The following GREP1 variants were observed in gnomAD, a reference collection of about 807,000 sequenced individuals.
GREP1 encodes glycine rich extracellular protein 1.
chr16:2,997,012 G>A (rs2072428281), exon 21 of GREP1: 2 of 399,098 alleles, frequency 5.0e-6, no homozygotes, highest in African/African-American at 4.1e-5. Flanking sequence ...GTCCAGAGCG[G>A]AGGCCTTGGG....
intron 26 of GREP1, chr16:2,999,200 C>A (rs1236586963): frequency 2.5e-6 from 1 of 398,750 alleles, no homozygotes; most frequent in Non-Finnish European, 4.4e-6. Context: ...CCCATGGCAT[C>A]TGCAGTCTCT....
At chr16:2,997,513 G>A (rs1004250939) in intron 22 of GREP1, 2 of 398,400 alleles carry the variant, frequency 5.0e-6, no homozygotes. Flanking sequence ...TTTCTTGGGG[G>A]CTCCTGCAGC....
intron 33 of GREP1, 57 bp from the exon 28 acceptor site, chr16:3,001,224 G>A: frequency 2.5e-6 from 1 of 399,198 alleles, no homozygotes; most frequent in Non-Finnish European, 4.4e-6. Context: ...TGAAGCTGGG[G>A]TGGACGGAAG....
intron 31 of GREP1, chr16:3,000,505 G>T: frequency 2.5e-6 from 1 of 399,240 alleles, no homozygotes; most frequent in Non-Finnish European, 4.4e-6. Flanking sequence ...GTGGAGTGGG[G>T]GAGACAACAG....
At chr16:2,995,114 TG>T (rs2072417914) in intron 13 of GREP1, among the ~76,000 whole-genome samples, 152 bp downstream of exon 14, 1 of 152,158 alleles carries the variant, frequency 6.6e-6, no homozygotes, top group Admixed American at 6.5e-5. Flanking sequence ...ATAGGCGCTG[TG>T]TCCCCAGCTT....
intron 7 of GREP1, 114 bp from the exon 7 acceptor site, chr16:2,990,934 C>T (rs773302349): frequency 1.3e-4 from 53 of 398,740 alleles, no homozygotes; most frequent in Middle Eastern, 6.2e-4. Context: ...GCCCCAGAAG[C>T]CAGAGGCGAG....
chr16:2,997,537 G>A (rs189120749), intron 22 of GREP1: 54 of 398,318 alleles, frequency 1.4e-4, no homozygotes, highest in African/African-American at 9.0e-4. Flanking sequence ...AGACGGGGTA[G>A]AGTCTGGAGA....
chr16:2,990,269 T>C (rs552978662), intron 5 of GREP1, 147 bp downstream of exon 5: 21 of 397,902 alleles, frequency 5.3e-5, no homozygotes, highest in Non-Finnish European at 8.0e-5. Flanking sequence ...AAGGGTCTTG[T>C]ACCCCCACCT....
intron 26 of GREP1, 32 bp downstream of exon 24, chr16:2,999,011 C>T (rs922979048): frequency 2.5e-6 from 1 of 399,028 alleles, no homozygotes; most frequent in Admixed American, 4.4e-5. Flanking sequence ...CTAGGGGGCA[C>T]TGGGAAGCAC....
In GREP1 at chr16:2,991,088, C is replaced by G. The variant is rs977285172; in HGVS notation, c.309C>G (p.Ala103=). ...TGGGAGCAGCGGCCTTCCCAGTGGC[C>G]GGAGCCCAGTCAGGTGAGGAAACGT... The change falls in exon 8 of 35, where the codon GCC becomes GCG. Residue 103 remains alanine, a synonymous_variant. Coordinates refer to ENST00000573315, the Ensembl canonical transcript of GREP1. The surrounding 1 kb of genome is among the most constrained non-coding windows in gnomAD (Gnocchi z 4.9). The G allele has an allele frequency of 5.0e-6, 2 of 398,992 alleles. No individual in the cohort carries two copies. The highest frequency in any genetic ancestry group is 8.8e-5 in the Admixed American group (2 of 22,702). The allele number at this position is 398,992 out of a possible 1,614,324, so 24.7% of individuals were successfully genotyped here.
chr16:2,990,687 C>T (rs918279748), intron 7 of GREP1, 100 bp downstream of exon 6: 17 of 398,158 alleles, frequency 4.3e-5, no homozygotes, highest in Non-Finnish European at 7.5e-5. Flanking sequence ...TCGGTGTTTC[C>T]AGGGTCTTCT....
chr16:2,997,349 T>C (rs1467761122), intron 21 of GREP1: 8 of 398,328 alleles, frequency 2.0e-5, no homozygotes, highest in Non-Finnish European at 3.5e-5. Flanking sequence ...TCTCCTTAGC[T>C]AGAATCCCAA....
rs1319968774 is a variant in GREP1, at chr16:2,992,642, C to T, written c.323-163C>T. On this transcript the variant is annotated intron_variant, in intron 8 of 34. Coordinates refer to ENST00000573315, the Ensembl canonical transcript of GREP1. This position sits in a 1 kb window ranked among gnomAD's most constrained non-coding sequence, Gnocchi z 4.9. Reference sequence around the variant, plus strand: ...CGGTCTGGACTCCCGGGCCAAGAACCAAATCCAACTTTGACTGCAGTCAGG... The same window carrying T: ...CGGTCTGGACTCCCGGGCCAAGAACTAAATCCAACTTTGACTGCAGTCAGG... 1.0e-5 allele frequency: 4 copies of T among 396,046 alleles called. No homozygotes were observed. The East Asian group carries it at 1.4e-4, about 14-fold the overall frequency. 24.5% of individuals were successfully genotyped at this position (396,046 alleles called of 1,614,324 possible). A position where few individuals can be genotyped will look rare whatever the true frequency, so the allele number is the denominator to read the frequency against.
At chr16:2,995,534 G>A (rs943434128) in intron 15 of GREP1, 85 bp from the exon 16 acceptor site, 1 of 398,614 alleles carries the variant, frequency 2.5e-6, no homozygotes, top group Non-Finnish European at 4.4e-6. Context: ...ATAACTGAAG[G>A]GCTGCTGGGA....
chr16:2,998,936 G>C, exon 26 of GREP1: 1 of 399,132 alleles, frequency 2.5e-6, no homozygotes, highest in Non-Finnish European at 4.4e-6. Flanking sequence ...GCTGGGGCCT[G>C]AAATCCCAGC....
chr16:2,988,773 C>G (rs1175520264), intron 2 of GREP1, among the ~76,000 whole-genome samples, 151 bp downstream of exon 2: 4 of 152,192 alleles, frequency 2.6e-5, no homozygotes, highest in African/African-American at 9.6e-5. Flanking sequence ...CAAGTGTCCA[C>G]TCAAGGGTGG....
exon 30 of GREP1, chr16:3,000,345 C>A: frequency 2.5e-6 from 1 of 399,282 alleles, no homozygotes; most frequent in African/African-American, 2.1e-5. Context: ...CGAGGCCCAC[C>A]CACAGCCAGG....
At chr16:3,001,325 G>A in exon 34 of GREP1, 1 of 399,188 alleles carries the variant, frequency 2.5e-6, no homozygotes, top group Non-Finnish European at 4.4e-6. Context: ...GCTGGGGAAT[G>A]GCTACGGAGG....
chr16:2,996,436 G>A (rs781490473), intron 18 of GREP1, 60 bp from the exon 18 acceptor site: 8 of 398,706 alleles, frequency 2.0e-5, no homozygotes, highest in Middle Eastern at 6.2e-4. Context: ...CTAGGGCTGC[G>A]TCCTCCTGAC....
Sources: gnomAD v4.1 joint callset for allele counts (sites outside exome capture counted in the v4.1 genomes callset) on GRCh38, gnomAD v4.1.1 for gene constraint, Gnocchi (gnomAD v3.1) non-coding constraint, MANE v1.5 for transcripts, NCBI Gene and HGNC (gene_info 2026-07-23, HGNC 2026-07-21) for gene names.